Variants in LRRK2 observed in about 807,000 individuals in gnomAD.
LRRK2 encodes the protein leucine rich repeat kinase 2.
Under a neutral mutation model 302.6 loss-of-function variants are expected in LRRK2, and 203 were observed. That is an observed-to-expected ratio of 0.67 (90% CI 0.60 to 0.75). The LOEUF (loss-of-function observed/expected upper bound fraction) is 0.75, where lower values mean the gene tolerates loss of function less well. Ranked by LOEUF, LRRK2 falls within the 30% of genes least tolerant of loss-of-function variation. LRRK2 has a pLI of 0.00. For missense variants in LRRK2, 2,830 were observed against 2,951.0 expected (o/e 0.96, Z 0.95); for synonymous variants, 1,066 against 1,031.9 (o/e 1.03, Z -0.63).
At chr12:40,230,668 C>CTT (rs3057613) in intron 2 of LRRK2, among the ~76,000 whole-genome samples, 3,149 of 135,260 alleles carry the variant, frequency 0.023, 144 homozygotes, top group Admixed American at 0.1. Context: ...TGCACTTTCT[C>CTT]TTTTTTTTTT....
Position 40,235,629 on chromosome 12 carries a change from GA to G in LRRK2, c.352del (p.Ile118PhefsTer5), listed in dbSNP as rs1356133300. Reference sequence around the variant, plus strand: ...TGATTTCTGTTTTTAACTCCAGATTGATTCTTAAAATGCTAACAGTTCATAA... The same window carrying G: ...TGATTTCTGTTTTTAACTCCAGATTGTTCTTAAAATGCTAACAGTTCATAA... ...DWEVLGVHQL[I>X]LKMLTVHNAS... is the part of the protein sequence containing the mutation. On this transcript the variant is annotated frameshift_variant, in exon 4 of 51. Coordinates refer to ENST00000298910, the MANE Select transcript of LRRK2 (RefSeq NM_198578.4). LOFTEE classifies it high-confidence loss of function. The G allele has an allele frequency of 1.3e-6, 2 of 1,595,770 alleles. No individual in the cohort carries two copies. The highest frequency in any genetic ancestry group is 1.7e-6 in the Non-Finnish European group (2 of 1,163,576).
chr12:40,251,338 A>C lies in LRRK2; in HGVS notation c.1065A>C (p.Lys355Asn). ...TGTTTTGGCTGGAAGCCTGTTACAA[A>C]GCATTAACGTGGCATAGAAAGAACA... ...DKLFWLEACYKALTWHRKNKH... is the reference protein window; with the variant it reads ...DKLFWLEACYNALTWHRKNKH... The change falls in exon 9 of 51, where the codon AAA becomes AAC. Residue 355 changes from lysine to asparagine, a missense_variant. Around this residue, in one of 3 missense-constraint regions of LRRK2, gnomAD observed 2,121 missense variants for 2,148.0 expected, o/e 0.99. Coordinates refer to ENST00000298910, the MANE Select transcript of LRRK2 (RefSeq NM_198578.4). 6.2e-7 allele frequency: 1 copy of C among 1,614,004 alleles called. No individual in the cohort carries two copies. The highest frequency in any genetic ancestry group is 1.3e-5 in the African/African-American group (1 of 75,062).
chr12:40,309,172 A>G lies in LRRK2; in HGVS notation c.4256A>G (p.Tyr1419Cys), dbSNP rs201013695. 4 of 1,613,632 alleles carry G rather than the reference A, an allele frequency of 2.5e-6. No individual in the cohort carries two copies. Among genetic ancestry groups the G allele is most frequent in the Non-Finnish European group, 2.5e-6 (3 of 1,179,758 alleles). The part of the protein sequence containing the change: ...MTQRALYLAV[Y>C]DLSKGQAEVD... Reference sequence around the variant, plus strand: ...CAGCGAGCATTGTACCTTGCTGTCTATGACCTCAGCAAGGGACAGGCTGAA... The same window carrying G: ...CAGCGAGCATTGTACCTTGCTGTCTGTGACCTCAGCAAGGGACAGGCTGAA... Residue 1419 changes from tyrosine to cysteine, a missense_variant, in exon 30 of 51, where the codon TAT becomes TGT. Physicochemically the swap from Tyr to Cys is radical, Grantham distance 194. Transcript: ENST00000298910.
At chr12:40,232,558 A>C in intron 3 of LRRK2, 175 bp downstream of exon 3, 1 of 568,268 alleles carries the variant, frequency 1.8e-6, no homozygotes, top group Non-Finnish European at 3.1e-6. Context: ...TAAACTCAGA[A>C]GTTTGATTTA....
At chr12:40,300,873 A>T (rs1266917368) in intron 25 of LRRK2, 3 of 471,012 alleles carry the variant, frequency 6.4e-6, no homozygotes, top group Non-Finnish European at 1.3e-5. Flanking sequence ...TCAGGAAAGC[A>T]TTTCTGTGCC....
chr12:40,286,810 T>G (rs983770673), intron 19 of LRRK2: 2 of 156,758 alleles, frequency 1.3e-5, no homozygotes, highest in African/African-American at 4.8e-5. Flanking sequence ...AGAAGAATGT[T>G]AACTTTGAAA....
chr12:40,353,983 G>A (rs1946453010), intron 44 of LRRK2, among the ~76,000 whole-genome samples: 1 of 152,154 alleles, frequency 6.6e-6, no homozygotes. Flanking sequence ...GGAAAGAGAG[G>A]GAGAGGGAGA....
intron 34 of LRRK2, 72 bp from the exon 35 acceptor site, chr12:40,320,962 A>G: frequency 6.7e-7 from 1 of 1,493,232 alleles, no homozygotes; most frequent in Non-Finnish European, 9.3e-7. Flanking sequence ...GACTTTAAGC[A>G]GTAAAATCAT....
intron 7 of LRRK2, 83 bp downstream of exon 7, chr12:40,243,764 A>G (rs1235532496): frequency 4.8e-6 from 6 of 1,258,544 alleles, no homozygotes; most frequent in Non-Finnish European, 6.9e-6. Flanking sequence ...ATAATAATGG[A>G]TAAGTAGCAT....
At chr12:40,311,153 C>T (rs1053054830) in intron 31 of LRRK2, among the ~76,000 whole-genome samples, 1 of 151,858 alleles carries the variant, frequency 6.6e-6, no homozygotes, top group African/African-American at 2.4e-5. Flanking sequence ...ATTTTTTTCC[C>T]TCCGTATTGT....
intron 21 of LRRK2, 135 bp downstream of exon 21, chr12:40,293,798 T>G: frequency 1.6e-6 from 1 of 620,704 alleles, no homozygotes; most frequent in East Asian, 3.1e-5. Flanking sequence ...TTTGAGATTT[T>G]TATATATGTA....
intron 18 of LRRK2, among the ~76,000 whole-genome samples, chr12:40,283,158 G>C (rs1943777263): frequency 6.6e-6 from 1 of 152,148 alleles, no homozygotes; most frequent in Non-Finnish European, 1.5e-5. Flanking sequence ...CTAGCGTCTA[G>C]CTCCTTTCCA....
chr12:40,348,290 A>G (rs1946255904), intron 42 of LRRK2, 119 bp from the exon 43 acceptor site: 2 of 689,984 alleles, frequency 2.9e-6, no homozygotes, highest in Non-Finnish European at 2.5e-6. Flanking sequence ...TTACATAAAT[A>G]TAGGATTATG....
chr12:40,339,691 G>C (rs886542243), intron 40 of LRRK2, among the ~76,000 whole-genome samples: 1 of 152,008 alleles, frequency 6.6e-6, no homozygotes, highest in Admixed American at 6.6e-5. Context: ...TACTCAAACA[G>C]AAGAAGAGAC....
intron 50 of LRRK2, 154 bp from the exon 51 acceptor site, chr12:40,367,489 GT>G (rs1946914201): frequency 1.7e-6 from 1 of 592,540 alleles, no homozygotes; most frequent in Non-Finnish European, 2.6e-6. Context: ...TCCAAGTATA[GT>G]TTTTTATAAA....
intron 2 of LRRK2, among the ~76,000 whole-genome samples, chr12:40,230,048 T>C (rs1358200129): frequency 6.6e-6 from 1 of 150,570 alleles, no homozygotes; most frequent in Non-Finnish European, 1.5e-5. Context: ...TGATGTATTC[T>C]ATGAAAGCAC....
intron 18 of LRRK2, among the ~76,000 whole-genome samples, chr12:40,278,933 T>C (rs1238912778): frequency 6.6e-6 from 1 of 152,180 alleles, no homozygotes; most frequent in African/African-American, 2.4e-5. Flanking sequence ...ACATATCTCT[T>C]GTATACTTGG....
intron 2 of LRRK2, among the ~76,000 whole-genome samples, chr12:40,229,589 C>T (rs1265005338): frequency 6.6e-6 from 1 of 152,164 alleles, no homozygotes; most frequent in African/African-American, 2.4e-5. Flanking sequence ...ATGAAAGTGG[C>T]TAAAATTTTT....
chr12:40,357,271 A>T (rs757629474), intron 46 of LRRK2, among the ~76,000 whole-genome samples: 14 of 152,124 alleles, frequency 9.2e-5, no homozygotes, highest in Non-Finnish European at 2.1e-4. Flanking sequence ...ACATGATTTC[A>T]TTCCTTTTTA....
Sources: allele counts gnomAD v4.1 joint callset (sites outside exome capture counted in the v4.1 genomes callset), GRCh38; gene constraint gnomAD v4.1.1; regional missense constraint gnomAD v4.1.1; transcripts MANE v1.5; gene names NCBI Gene and HGNC (gene_info 2026-07-23, HGNC 2026-07-21).